Variants in OR2L13 observed in about 807,000 individuals in gnomAD.
OR2L13 encodes olfactory receptor 2L13.
A neutral mutation model predicts 15.3 loss-of-function variants in OR2L13; 14 were observed. That is an observed-to-expected ratio of 0.91 (90% CI 0.60 to 1.43). The LOEUF is 1.43. Ranked by LOEUF, OR2L13 falls within the 40% of genes most tolerant of loss-of-function variation. The probability of loss-of-function intolerance (pLI) is 0.00; values close to 1 mark genes in which losing one functional copy is unlikely to be tolerated. For synonymous variants in OR2L13, 152 were observed against 142.9 expected (o/e 1.06, Z -0.45); for missense variants, 367 against 387.9 (o/e 0.95, Z 0.45).
At chr1:248,042,485 C>G in the OR2L13 span, among the ~76,000 whole-genome samples, 1 of 151,724 alleles carries the variant, frequency 6.6e-6, no homozygotes, top group Non-Finnish European at 1.5e-5. Context: ...TGCACATGTA[C>G]CCTAAAACTT....
the OR2L13 span, among the ~76,000 whole-genome samples, chr1:248,070,741 AG>A: frequency 6.6e-6 from 1 of 152,162 alleles, no homozygotes; most frequent in Non-Finnish European, 1.5e-5. Context: ...AGACTAATAA[AG>A]AAGAAAAGAG....
chr1:247,994,907 C>G, the OR2L13 span, among the ~76,000 whole-genome samples: 1 of 152,144 alleles, frequency 6.6e-6, no homozygotes, highest in Admixed American at 6.5e-5. Flanking sequence ...CTCAATCAGA[C>G]TGACTTGAAT....
At chr1:247,990,047 T>A in the OR2L13 span, among the ~76,000 whole-genome samples, 5,888 of 152,170 alleles carry the variant, frequency 0.039, 349 homozygotes, top group African/African-American at 0.13. Context: ...TTTGGTTTTC[T>A]TTTTAGTTAT....
chr1:248,039,420 G>A, the OR2L13 span: 3 of 361,540 alleles, frequency 8.3e-6, no homozygotes, highest in South Asian at 5.5e-5. Flanking sequence ...GTTTTTGTTT[G>A]TTTGTTTGTT....
At chr1:247,987,378 T>A in the OR2L13 span, among the ~76,000 whole-genome samples, 1 of 152,318 alleles carries the variant, frequency 6.6e-6, no homozygotes, top group African/African-American at 2.4e-5. Context: ...TTTGTTCTAT[T>A]GCTTTGGCTG....
At chr1:248,077,262 T>A in the OR2L13 span, among the ~76,000 whole-genome samples, 174 of 152,340 alleles carry the variant, frequency 1.1e-3, 1 homozygote, top group African/African-American at 4.1e-3. Context: ...TACTGAGGAT[T>A]TTCGTATTGA....
the OR2L13 span, chr1:248,029,306 GA>G: frequency 1.8e-3 from 267 of 152,074 alleles, no homozygotes; most frequent in African/African-American, 6.3e-3. Context: ...AATACATGTG[GA>G]AAAATTCAAA....
the OR2L13 span, among the ~76,000 whole-genome samples, chr1:248,066,095 C>T: frequency 1.9e-4 from 29 of 152,136 alleles, no homozygotes; most frequent in African/African-American, 2.4e-5. Flanking sequence ...CTAGTAACTC[C>T]CTTGGAATGT....
the OR2L13 span, chr1:247,948,787 C>A: frequency 1.5e-6 from 2 of 1,294,634 alleles, no homozygotes; most frequent in Non-Finnish European, 2.2e-6. Context: ...GCATCCCCTG[C>A]AGATAAGGGC....
chr1:248,076,369 A>G, the OR2L13 span, among the ~76,000 whole-genome samples: 1 of 151,934 alleles, frequency 6.6e-6, no homozygotes, highest in African/African-American at 2.4e-5. Context: ...GTAGTTTTTT[A>G]CAGTTCTGTG....
chr1:247,970,689 T>C, the OR2L13 span, among the ~76,000 whole-genome samples: 1 of 152,194 alleles, frequency 6.6e-6, no homozygotes, highest in African/African-American at 2.4e-5. Context: ...AAGAAACACA[T>C]AAATTTCTAG....
the OR2L13 span, chr1:247,966,245 A>G: frequency 1.9e-6 from 3 of 1,613,164 alleles, no homozygotes; most frequent in South Asian, 1.1e-5. Flanking sequence ...CCATTTATCT[A>G]CAGCCTGAGA....
At chr1:248,070,403 A>G in the OR2L13 span, among the ~76,000 whole-genome samples, 8 of 152,180 alleles carry the variant, frequency 5.3e-5, no homozygotes, top group Non-Finnish European at 1.0e-4. Flanking sequence ...TGAAGGCAGA[A>G]ATAAAGATGT....
chr1:248,066,819 G>T, the OR2L13 span, among the ~76,000 whole-genome samples: 3 of 152,106 alleles, frequency 2.0e-5, no homozygotes, highest in Non-Finnish European at 2.9e-5. Context: ...TTCTATAATT[G>T]TAAGCTGTCT....
At chr1:248,087,416 A>G in the OR2L13 span, 3 of 152,240 alleles carry the variant, frequency 2.0e-5, no homozygotes. Flanking sequence ...AAAATGCTGA[A>G]TACATAATAA....
At chr1:248,029,155 G>C in the OR2L13 span, 1 of 152,116 alleles carries the variant, frequency 6.6e-6, no homozygotes, top group Non-Finnish European at 1.5e-5. Flanking sequence ...ACAACTAATT[G>C]ATCACAACCA....
chr1:248,050,224 C>T, the OR2L13 span, among the ~76,000 whole-genome samples: 1 of 151,422 alleles, frequency 6.6e-6, no homozygotes, highest in African/African-American at 2.4e-5. Context: ...CCTGTGTATT[C>T]TGTCATTAAT....
At chr1:248,011,273 G>C in the OR2L13 span, among the ~76,000 whole-genome samples, 872 of 152,186 alleles carry the variant, frequency 5.7e-3, 13 homozygotes, top group Middle Eastern at 0.024. Context: ...GTTGAATATT[G>C]GCTCCCATTC....
the OR2L13 span, among the ~76,000 whole-genome samples, chr1:247,980,397 C>G: frequency 1.3e-5 from 2 of 152,088 alleles, no homozygotes; most frequent in Non-Finnish European, 2.9e-5. Flanking sequence ...CTAAAACTTA[C>G]TGCCAGTATA....
Sources: allele counts gnomAD v4.1 joint callset (sites outside exome capture counted in the v4.1 genomes callset), GRCh38; gene constraint gnomAD v4.1.1; transcripts MANE v1.5; gene names NCBI Gene and HGNC (gene_info 2026-07-23, HGNC 2026-07-21).